LIN9: variants seen among roughly 807,000 people sequenced by gnomAD.
LIN9 encodes the protein protein lin-9 homolog.
LIN9 carries 18 observed loss-of-function variants against 78.0 expected under a neutral mutation model. That is an observed-to-expected ratio of 0.23 (90% confidence interval 0.16 to 0.34). The LOEUF (loss-of-function observed/expected upper bound fraction) is 0.34, where lower values mean the gene tolerates loss of function less well. LIN9 is among the 10% of genes least tolerant of loss of function. LIN9 has a pLI of 1.00. For synonymous variants in LIN9, 192 were observed against 215.2 expected, an observed-to-expected ratio of 0.89 and a Z score of 0.94; for missense variants, 451 against 644.1, an observed-to-expected ratio of 0.70 and a Z score of 3.25.
rs954300468 is a variant in LIN9 at position 226,274,758 on chromosome 1, ATTTGCT to A, written c.682+3011_682+3016del. ...CCGACCCAGTCTTTTAGTGTTTCCAATTTGCTTTTAAGTTCATTCAGAAGTTTTTCT... is the reference window on the plus strand; with the variant it reads ...CCGACCCAGTCTTTTAGTGTTTCCAATTTAAGTTCATTCAGAAGTTTTTCT... On this transcript the variant is annotated intron_variant, in intron 7 of 14. Coordinates refer to ENST00000681046, the MANE Select transcript of LIN9 (RefSeq NM_001366245.2). Among the ~76,000 whole-genome samples the A allele has an allele frequency of 7.9e-5, 12 of 151,428 alleles. No homozygotes were observed. In the East Asian group the frequency reaches 9.7e-4, roughly 12 times the overall value.
intron 7 of LIN9, among the ~76,000 whole-genome samples, chr1:226,273,256 ATT>A (rs34679926): frequency 1.4e-4 from 12 of 87,260 alleles, no homozygotes; most frequent in Non-Finnish European, 2.0e-4. Context: ...TAATTAGGTA[ATT>A]TTTTTTTTTT....
At position 226,235,277 on chromosome 1, in the gene LIN9, G is replaced by A. The variant is rs1227270221; in HGVS notation, c.1246-1754C>T. On this transcript the variant is annotated intron_variant, in intron 12 of 14. Coordinates refer to ENST00000681046, the MANE Select transcript of LIN9 (RefSeq NM_001366245.2). ...GCAGAGGTTGCAGTGAACCGAGATT[G>A]CGCCCCTGTACTCCAGCCTGGTGGA... Among the ~76,000 whole-genome samples the A allele has an allele frequency of 2.1e-5, 3 of 140,148 alleles. No individual in the cohort carries two copies. In the Admixed American group the frequency reaches 2.3e-4, roughly 11 times the overall value. 91.9% of individuals were successfully genotyped at this position (140,148 alleles called of 152,430 possible).
At position 226,265,602 on chromosome 1, in the gene LIN9, C is replaced by G. The variant is rs761563689; in HGVS notation, c.969G>C (p.Trp323Cys). The part of the protein sequence containing the change: ...DNDPLLGQSP[W>C]RSKISGSDTE... ...TGTCAGAGCCAGAAATTTTACTTCT[C>G]CACGGCGACTGTCCTAATAAAGGAT... is the stretch of plus-strand genomic sequence containing the variant. Residue 323 changes from tryptophan (W) to cysteine (C), a missense_variant, in exon 10 of 15, where the codon TGG (tryptophan) becomes TGC (cysteine). Trp to Cys is a radical substitution (Grantham distance 215). Transcript: ENST00000681046. This position sits in a 1 kb window ranked among gnomAD's most constrained non-coding sequence, Gnocchi z 4.1. 6.2e-7 allele frequency: 1 copy of G among 1,609,534 alleles called. No individual in the cohort carries two copies.
chr1:226,262,008 G>A (rs888165596), intron 10 of LIN9, among the ~76,000 whole-genome samples: 6 of 152,268 alleles, frequency 3.9e-5, no homozygotes, highest in Non-Finnish European at 5.9e-5. Context: ...AGGCAGTTGC[G>A]CAACAAATGG....
chr1:226,286,290 G>A, intron 6 of LIN9, 43 bp downstream of exon 6: 1 of 1,588,614 alleles, frequency 6.3e-7, no homozygotes, highest in Non-Finnish European at 8.5e-7. Flanking sequence ...CACTGCTACT[G>A]GCTTGATTTT....
chr1:226,307,699 A>G (rs193050975), intron 1 of LIN9, among the ~76,000 whole-genome samples: 1 of 152,358 alleles, frequency 6.6e-6, no homozygotes, highest in East Asian at 1.9e-4. Flanking sequence ...AGTACAGCTC[A>G]TGACTGGTCA....
upstream of LIN9, chr1:226,309,558 G>C (rs542297598): frequency 1.0e-4 from 118 of 1,181,774 alleles, 1 homozygote; most frequent in South Asian, 1.7e-3. Flanking sequence ...GGCCCCGGCG[G>C]GGGGAAAGAA....
chr1:226,254,104 G>A (rs537053742), intron 10 of LIN9, among the ~76,000 whole-genome samples: 31 of 151,994 alleles, frequency 2.0e-4, no homozygotes, highest in Non-Finnish European at 3.5e-4. Flanking sequence ...GCTAATTTTT[G>A]TATTTTTTTG....
At chr1:226,261,447 G>C (rs1659586412) in intron 10 of LIN9, among the ~76,000 whole-genome samples, 1 of 151,562 alleles carries the variant, frequency 6.6e-6, no homozygotes, top group Admixed American at 6.6e-5. Flanking sequence ...AAAGTTGCAG[G>C]ATACAAAGTT....
Position 226,273,172 on chromosome 1 carries a change from C to T in LIN9, c.682+4603G>A, listed in dbSNP as rs535306373. Among the ~76,000 whole-genome samples the T allele has an allele frequency of 3.9e-5, 6 of 151,900 alleles. No individual in the cohort carries two copies. In the South Asian group the frequency reaches 1.2e-3, roughly 32 times the overall value. ...GGATGGCCAGACTTAAGTCTACCAC[C>T]TTGCTATTTTCTATTTATCCCATTT... On this transcript the variant is annotated intron_variant, in intron 7 of 14. Coordinates refer to ENST00000681046, the MANE Select transcript of LIN9 (RefSeq NM_001366245.2).
intron 1 of LIN9, 154 bp downstream of exon 1, chr1:226,308,955 C>T (rs1468892485): frequency 6.3e-6 from 4 of 634,970 alleles, no homozygotes; most frequent in Non-Finnish European, 9.0e-6. Context: ...GGCGACGCGG[C>T]GGCAACACCG....
intron 11 of LIN9, among the ~76,000 whole-genome samples, chr1:226,249,793 C>A (rs940123127): frequency 4.6e-5 from 7 of 152,156 alleles, no homozygotes; most frequent in Admixed American, 4.6e-4. Flanking sequence ...TATTTGCCAT[C>A]CTACATATCC....
chr1:226,233,586 G>T, intron 12 of LIN9, 63 bp from the exon 13 acceptor site: 1 of 1,234,296 alleles, frequency 8.1e-7, no homozygotes, highest in Non-Finnish European at 1.1e-6. Context: ...TTCTGTATGT[G>T]TTTGTGCCCT....
intron 7 of LIN9, among the ~76,000 whole-genome samples, chr1:226,272,684 G>A (rs1660377109): frequency 6.6e-6 from 1 of 151,562 alleles, no homozygotes; most frequent in African/African-American, 2.4e-5. Context: ...CTGGCTCCTT[G>A]CTTCTAGCCC....
At chr1:226,250,409 A>C (rs1439799913) in intron 11 of LIN9, among the ~76,000 whole-genome samples, 1 of 152,158 alleles carries the variant, frequency 6.6e-6, no homozygotes, top group Non-Finnish European at 1.5e-5. Context: ...AGAACCTAAT[A>C]TATCCATTAA....
intron 10 of LIN9, 42 bp from the exon 11 acceptor site, chr1:226,250,961 T>C: frequency 1.0e-6 from 1 of 961,400 alleles, no homozygotes; most frequent in South Asian, 1.4e-5. Flanking sequence ...ACAGAGGCAT[T>C]TAGGTATATT....
intron 10 of LIN9, among the ~76,000 whole-genome samples, chr1:226,260,124 A>G (rs932827100): frequency 1.1e-4 from 16 of 152,214 alleles, no homozygotes; most frequent in African/African-American, 2.9e-4. Context: ...TGAAATTTCT[A>G]AATTTGCACA....
intron 12 of LIN9, among the ~76,000 whole-genome samples, chr1:226,237,637 A>T (rs1280815353): frequency 4.1e-5 from 6 of 147,536 alleles, no homozygotes; most frequent in African/African-American, 1.5e-4. Flanking sequence ...TGTCTCAAAA[A>T]AAAAAAAAAA....
At chr1:226,290,333 CTTT>C (rs60478152) in intron 4 of LIN9, among the ~76,000 whole-genome samples, 1 of 136,746 alleles carries the variant, frequency 7.3e-6, no homozygotes, top group Non-Finnish European at 1.6e-5. Context: ...GAGGCTATTT[CTTT>C]TTTTTTTTTT....
Sources: gnomAD v4.1 joint callset for allele counts (sites outside exome capture counted in the v4.1 genomes callset) on GRCh38, gnomAD v4.1.1 for gene constraint, Gnocchi (gnomAD v3.1) non-coding constraint, MANE v1.5 for transcripts, NCBI Gene and HGNC (gene_info 2026-07-23, HGNC 2026-07-21) for gene names.